Variants in NPAS2 observed in about 807,000 individuals in gnomAD.
NPAS2 encodes the protein neuronal PAS domain protein 2.
A neutral mutation model predicts 107.5 loss-of-function variants in NPAS2; 23 were observed. The ratio of observed to expected loss-of-function variants is 0.21; its 90% CI spans 0.15 to 0.30. The LOEUF (loss-of-function observed/expected upper bound fraction) is 0.30. Among genes scored for constraint, NPAS2 ranks in the 10% least tolerant of loss-of-function variants. The pLI, the probability that NPAS2 is intolerant of heterozygous loss-of-function variation, is 1.00. For synonymous variants in NPAS2, 403 were observed against 417.5 expected (o/e 0.97, Z 0.42); for missense variants, 756 against 1,043.3 (o/e 0.72, Z 3.79).
chr2:100,995,266 T>C, intron 20 of NPAS2, 134 bp from the exon 21 acceptor site: 2 of 653,954 alleles, frequency 3.1e-6, no homozygotes, highest in Admixed American at 3.1e-5. Context: ...GAGCCACCTC[T>C]CCCCACATGA....
chr2:100,894,873 G>A (rs1164357453), intron 1 of NPAS2, among the ~76,000 whole-genome samples: 2 of 152,182 alleles, frequency 1.3e-5, no homozygotes, highest in Non-Finnish European at 1.5e-5. Context: ...TCTTATGGCC[G>A]CAGAGTCCTC....
At chr2:100,819,598 G>T (rs1675928630), upstream of NPAS2, among the ~76,000 whole-genome samples, 1 of 152,210 alleles carries the variant, frequency 6.6e-6, no homozygotes, top group South Asian at 2.1e-4. The surrounding 1 kb of genome is among the most constrained non-coding windows in gnomAD (Gnocchi z 5.8). Flanking sequence ...AGTGTGGAGG[G>T]GGTGACAGTC....
At chr2:100,995,370 C>G (rs1558951795) in intron 20 of NPAS2, 30 bp from the exon 21 acceptor site, 3 of 1,590,434 alleles carry the variant, frequency 1.9e-6, no homozygotes, top group Non-Finnish European at 2.6e-6. Flanking sequence ...TCAGAACCAC[C>G]TCTGAAGCCC....
intron 1 of NPAS2, among the ~76,000 whole-genome samples, chr2:100,903,895 G>GA (rs975830896): frequency 4.6e-5 from 7 of 152,140 alleles, no homozygotes; most frequent in African/African-American, 1.7e-4. Flanking sequence ...GGGGTGGAGG[G>GA]AACCCAGGCC....
intron 10 of NPAS2, among the ~76,000 whole-genome samples, chr2:100,966,797 A>G (rs1227844895): frequency 2.0e-5 from 3 of 151,976 alleles, no homozygotes; most frequent in African/African-American, 7.2e-5. Flanking sequence ...GGGTTTCACC[A>G]TGTTGGTCAG....
chr2:100,933,008 T>C lies in NPAS2; in HGVS notation c.273+7T>C. ...CACCCAGCTGATGTTGGAGGTGAAA[T>C]GCACTTTCAAAATAGCTTAAACAGT... On this transcript the variant is annotated splice_region_variant and intron_variant, in intron 4 of 20. Coordinates refer to ENST00000335681, the MANE Select transcript of NPAS2 (RefSeq NM_002518.4). The C allele has an allele frequency of 6.2e-7, 1 of 1,603,552 alleles. No individual in the cohort carries two copies. Among genetic ancestry groups the C allele is most frequent in the Non-Finnish European group, 8.5e-7 (1 of 1,170,272 alleles).
chr2:100,992,771 T>TTG (rs1480439668), intron 19 of NPAS2, among the ~76,000 whole-genome samples: 2 of 152,220 alleles, frequency 1.3e-5, no homozygotes, highest in African/African-American at 4.8e-5. Flanking sequence ...TTTGATTGGG[T>TTG]TGTGTGGGTG....
chr2:100,868,679 A>G (rs1177844156), intron 1 of NPAS2, among the ~76,000 whole-genome samples: 1 of 152,132 alleles, frequency 6.6e-6, no homozygotes, highest in Non-Finnish European at 1.5e-5. Context: ...TTGTCTCTGC[A>G]TTCTGCAATC....
chr2:100,978,820 T>G (rs1350586619), intron 15 of NPAS2, among the ~76,000 whole-genome samples: 1 of 152,162 alleles, frequency 6.6e-6, no homozygotes, highest in African/African-American at 2.4e-5. Flanking sequence ...ACGCTTGAGT[T>G]GGCCCCGGAA....
intron 1 of NPAS2, among the ~76,000 whole-genome samples, chr2:100,895,575 TG>T (rs1306445907): frequency 2.0e-5 from 3 of 152,120 alleles, no homozygotes; most frequent in Non-Finnish European, 4.4e-5. Context: ...GCAGCAGGGG[TG>T]GCTGTCTGCC....
At chr2:100,855,292 G>A (rs1202645746) in intron 1 of NPAS2, among the ~76,000 whole-genome samples, 2 of 152,164 alleles carry the variant, frequency 1.3e-5, no homozygotes, top group Non-Finnish European at 2.9e-5. Flanking sequence ...GGGGGTTTCA[G>A]TGAGTCATTG....
At chr2:100,871,124 T>G (rs1020762147) in intron 1 of NPAS2, among the ~76,000 whole-genome samples, 2 of 152,154 alleles carry the variant, frequency 1.3e-5, no homozygotes, top group Non-Finnish European at 2.9e-5. Flanking sequence ...GGGCCACATC[T>G]CACCCACTCA....
chr2:100,990,895 C>CG, intron 19 of NPAS2, 23 bp downstream of exon 19: 1 of 1,604,542 alleles, frequency 6.2e-7, no homozygotes, highest in Non-Finnish European at 8.5e-7. Context: ...TGGCGGGAGG[C>CG]AGGAGGCAAG....
intron 1 of NPAS2, among the ~76,000 whole-genome samples, chr2:100,875,526 A>T (rs1169522659): frequency 1.3e-5 from 2 of 151,150 alleles, no homozygotes; most frequent in African/African-American, 4.9e-5. Context: ...GATCACACAG[A>T]TGTGAGCATG....
At chr2:100,942,399 G>T (rs1006681929) in intron 5 of NPAS2, among the ~76,000 whole-genome samples, 1 of 143,906 alleles carries the variant, frequency 6.9e-6, no homozygotes, top group Non-Finnish European at 1.5e-5. Context: ...CCTGCTGGAA[G>T]CTCCCATCTG....
At chr2:100,920,227 A>G (rs145065172) in intron 2 of NPAS2, among the ~76,000 whole-genome samples, 52 of 152,230 alleles carry the variant, frequency 3.4e-4, no homozygotes, top group African/African-American at 9.6e-4. Flanking sequence ...TTTGAGATCT[A>G]TCACACAGCA....
chr2:100,980,479 A>G lies in NPAS2; in HGVS notation c.1483-1752A>G, dbSNP rs145299207. 7.1e-4 allele frequency among the ~76,000 whole-genome samples: 107 copies of G among 151,768 alleles called. 1 individual carries two copies. The highest frequency in any genetic ancestry group is 2.2e-3 in the African/African-American group (90 of 41,342). ...ATTTTTGTTATTTTTGTTTATATAT[A>G]TATTTTTTGAGACGGGGTCTCACTC... is the stretch of plus-strand genomic sequence containing the variant. On this transcript the variant is annotated intron_variant, in intron 15 of 20. Transcript: ENST00000335681.
chr2:100,967,112 T>C (rs1676260392), intron 10 of NPAS2, among the ~76,000 whole-genome samples: 1 of 152,132 alleles, frequency 6.6e-6, no homozygotes, highest in Admixed American at 6.5e-5. Context: ...AAGTGAAGAA[T>C]TACATTCAGC....
chr2:100,918,538 G>C (rs1390560493), intron 2 of NPAS2, among the ~76,000 whole-genome samples: 7 of 152,254 alleles, frequency 4.6e-5, no homozygotes, highest in African/African-American at 7.2e-5. Context: ...ACAAGCAACT[G>C]TCAAAACTCA....
Sources: gnomAD v4.1 joint callset for allele counts (sites outside exome capture counted in the v4.1 genomes callset) on GRCh38, gnomAD v4.1.1 for gene constraint, Gnocchi (gnomAD v3.1) non-coding constraint, MANE v1.5 for transcripts, NCBI Gene and HGNC (gene_info 2026-07-23, HGNC 2026-07-21) for gene names.